UBE2E2: variants seen among roughly 807,000 people sequenced by gnomAD.
UBE2E2 encodes the protein ubiquitin conjugating enzyme E2 E2, also known as ubiquitin-conjugating enzyme E2 E2.
UBE2E2 carries 6 observed loss-of-function variants against 24.7 expected under a neutral mutation model. The observed-to-expected ratio is 0.24, with a 90% CI of 0.13 to 0.48. The LOEUF (loss-of-function observed/expected upper bound fraction) is 0.48, where lower values mean the gene tolerates loss of function less well. Among genes scored for constraint, UBE2E2 ranks in the 20% least tolerant of loss-of-function variants. The probability of loss-of-function intolerance (pLI) is 0.99; values close to 1 mark genes in which losing one functional copy is unlikely to be tolerated. For missense variants in UBE2E2, 169 were observed against 245.0 expected (o/e 0.69, Z 2.07); for synonymous variants, 104 against 83.6 (o/e 1.24, Z -1.33).
At chr3:23,334,317 G>A (rs1000837515) in intron 3 of UBE2E2, among the ~76,000 whole-genome samples, 10 of 150,824 alleles carry the variant, frequency 6.6e-5, no homozygotes, top group Admixed American at 1.3e-4. Flanking sequence ...TTTTTTTTGA[G>A]ATTATGAGAA....
At chr3:23,538,961 A>G (rs1695327500) in intron 5 of UBE2E2, among the ~76,000 whole-genome samples, 1 of 152,196 alleles carries the variant, frequency 6.6e-6, no homozygotes, top group South Asian at 2.1e-4. Flanking sequence ...ATTAGTTTGT[A>G]GCACTTTTAC....
chr3:23,583,250 A>G lies in UBE2E2; in HGVS notation c.509-6484A>G, dbSNP rs1173512870. On this transcript the variant is annotated intron_variant, in intron 5 of 5. Transcript: ENST00000396703. This position sits in a 1 kb window ranked among gnomAD's most constrained non-coding sequence, Gnocchi z 4.1. ...GATCAGATGGTCGTAAATATGTGGCATTATTTCTGGGCTCTTTATTTTGTT... is the reference window on the plus strand; with the variant it reads ...GATCAGATGGTCGTAAATATGTGGCGTTATTTCTGGGCTCTTTATTTTGTT... 6.6e-6 allele frequency among the ~76,000 whole-genome samples: 1 copy of G among 152,016 alleles called. No homozygotes were observed. Among genetic ancestry groups the G allele is most frequent in the East Asian group, 1.9e-4 (1 of 5,184 alleles).
intron 5 of UBE2E2, among the ~76,000 whole-genome samples, chr3:23,571,444 C>T (rs940159503): frequency 7.9e-5 from 12 of 151,388 alleles, no homozygotes; most frequent in Non-Finnish European, 1.5e-4. Context: ...CGTGTGCCAC[C>T]ACGCCTGGCT....
intron 2 of UBE2E2, among the ~76,000 whole-genome samples, chr3:23,216,184 C>G (rs540474827): frequency 4.9e-4 from 74 of 152,170 alleles, no homozygotes; most frequent in African/African-American, 1.7e-3. Context: ...ATTCATAATG[C>G]CTCGCCAACC....
chr3:23,496,907 A>C (rs1205531088), intron 3 of UBE2E2, among the ~76,000 whole-genome samples: 1 of 152,212 alleles, frequency 6.6e-6, no homozygotes, highest in Non-Finnish European at 1.5e-5. Flanking sequence ...AAATTTAACT[A>C]CTAATAATAC....
chr3:23,259,746 C>T (rs1447566452), intron 3 of UBE2E2, among the ~76,000 whole-genome samples: 2 of 152,128 alleles, frequency 1.3e-5, no homozygotes, highest in Admixed American at 6.5e-5. Context: ...TGATGGGGCC[C>T]TAACCATGAA....
At chr3:23,452,638 C>T (rs1698591038) in intron 3 of UBE2E2, among the ~76,000 whole-genome samples, 1 of 151,802 alleles carries the variant, frequency 6.6e-6, no homozygotes, top group South Asian at 2.1e-4. Context: ...TAACTGTTAC[C>T]CAAATGGTTG....
rs1027041029 is a variant in UBE2E2 at position 23,217,188 on chromosome 3, G to T, written c.177-74G>T. On this transcript the variant is annotated intron_variant, in intron 2 of 5. Coordinates refer to ENST00000396703, the MANE Select transcript of UBE2E2 (RefSeq NM_152653.4). The stretch of plus-strand genomic sequence containing the variant: ...TACCAAAGGGAAATGTTATTAAAAT[G>T]TAACGTTTTAATGAAATAAATTGTT... 21 of 1,313,520 alleles carry T rather than the reference G, an allele frequency of 1.6e-5. No individual in the cohort carries two copies. The African/African-American group carries it at 2.4e-4, about 15-fold the overall frequency. The allele number at this position is 1,313,520 out of a possible 1,614,324, so 81.4% of individuals were successfully genotyped here. A position where few individuals can be genotyped will look rare whatever the true frequency, so the allele number is the denominator to read the frequency against.
chr3:23,468,263 C>A (rs552173496), intron 3 of UBE2E2, among the ~76,000 whole-genome samples: 2 of 152,188 alleles, frequency 1.3e-5, no homozygotes, highest in East Asian at 3.8e-4. Context: ...TCTGGACTTT[C>A]AATTGTTAGC....
At chr3:23,463,188 A>G (rs778473) in intron 3 of UBE2E2, among the ~76,000 whole-genome samples, 39,357 of 151,888 alleles carry the variant, frequency 0.26, 5,313 homozygotes, top group Non-Finnish European at 0.3. Context: ...CCCTTAAAAC[A>G]TTAATTCTTT....
intron 5 of UBE2E2, among the ~76,000 whole-genome samples, chr3:23,567,356 T>C (rs1696101127): frequency 6.6e-6 from 1 of 152,146 alleles, no homozygotes; most frequent in South Asian, 2.1e-4. Flanking sequence ...ACATGTTGCC[T>C]AAGGGGTTTA....
At chr3:23,560,372 C>T (rs984212752) in intron 5 of UBE2E2, among the ~76,000 whole-genome samples, 3 of 152,056 alleles carry the variant, frequency 2.0e-5, no homozygotes, top group African/African-American at 4.8e-5. Context: ...CAGCTTCATC[C>T]GTGTCCCTAC....
At chr3:23,346,036 G>C (rs935710062) in intron 3 of UBE2E2, among the ~76,000 whole-genome samples, 1 of 152,084 alleles carries the variant, frequency 6.6e-6, no homozygotes, top group African/African-American at 2.4e-5. Flanking sequence ...TGTGTGATTC[G>C]TTTGTTGTTC....
At chr3:23,356,842 AC>A (rs1160747959) in intron 3 of UBE2E2, among the ~76,000 whole-genome samples, 2 of 152,202 alleles carry the variant, frequency 1.3e-5, no homozygotes, top group Non-Finnish European at 1.5e-5. Flanking sequence ...CAGTTTATGG[AC>A]AAACTGTCTT....
At chr3:23,406,550 GAAA>G (rs1697359545) in intron 3 of UBE2E2, among the ~76,000 whole-genome samples, 3 of 152,142 alleles carry the variant, frequency 2.0e-5, no homozygotes, top group Non-Finnish European at 4.4e-5. Flanking sequence ...ACTGTAGAGA[GAAA>G]TAAGACATAG....
chr3:23,273,530 C>A (rs370771384), intron 3 of UBE2E2, among the ~76,000 whole-genome samples: 67 of 140,898 alleles, frequency 4.8e-4, no homozygotes, highest in East Asian at 6.5e-4. Context: ...GACTCCGTCT[C>A]AAAAAAAAAA....
chr3:23,351,385 A>G (rs1038839875), intron 3 of UBE2E2, among the ~76,000 whole-genome samples: 2 of 152,240 alleles, frequency 1.3e-5, no homozygotes, highest in Non-Finnish European at 2.9e-5. Context: ...CACACATAAC[A>G]ATATTAACTT....
At chr3:23,406,133 G>A (rs1213765568) in intron 3 of UBE2E2, among the ~76,000 whole-genome samples, 4 of 152,332 alleles carry the variant, frequency 2.6e-5, no homozygotes, top group South Asian at 2.1e-4. Flanking sequence ...TGCCTGGAAC[G>A]CAGAATTATA....
intron 3 of UBE2E2, among the ~76,000 whole-genome samples, chr3:23,404,371 A>G (rs997941001): frequency 7.2e-5 from 11 of 152,198 alleles, no homozygotes; most frequent in African/African-American, 2.7e-4. Flanking sequence ...TCAAAAATAA[A>G]TGTCCAAGTC....
Sources: allele counts gnomAD v4.1 joint callset (sites outside exome capture counted in the v4.1 genomes callset), GRCh38; gene constraint gnomAD v4.1.1; non-coding constraint Gnocchi (gnomAD v3.1); transcripts MANE v1.5; gene names NCBI Gene and HGNC (gene_info 2026-07-23, HGNC 2026-07-21).